Variants in ZNF496 observed in about 807,000 individuals in gnomAD.
ZNF496 encodes the protein NSD1 (nuclear receptor binding SET-domain containing 1)-interacting zinc finger protein 1.
ZNF496 carries 11 observed loss-of-function variants against 58.9 expected under a neutral mutation model. That is an observed-to-expected ratio of 0.19 (90% CI 0.12 to 0.31). The LOEUF (loss-of-function observed/expected upper bound fraction) is 0.31, where lower values mean the gene tolerates loss of function less well. ZNF496 is among the 10% of genes least tolerant of loss of function. ZNF496 has a pLI of 1.00. For synonymous variants in ZNF496, 338 were observed against 318.2 expected (o/e 1.06, Z -0.66); for missense variants, 660 against 783.0 (o/e 0.84, Z 1.88).
Position 247,298,344 on chromosome 1 carries a change from GAC to G in ZNF496, c.*2173_*2174del. 6.6e-6 allele frequency: 1 copy of G among 152,272 alleles called. No individual in the cohort carries two copies. Among genetic ancestry groups the G allele is most frequent in the Middle Eastern group, 3.4e-3 (1 of 294 alleles). The allele number at this position is 152,272 out of a possible 1,614,324, so 9.4% of individuals were successfully genotyped here. A position where few individuals can be genotyped will look rare whatever the true frequency, so the allele number is the denominator to read the frequency against. On this transcript the variant is annotated 3_prime_UTR_variant, in exon 10 of 10. Transcript: ENST00000682384. Reference sequence around the variant, plus strand: ...GCAGAGGCTTTTTAATTATTTTTGAGACAGAGTCTCATTCTGTCACCTAGCTT... The same window carrying G: ...GCAGAGGCTTTTTAATTATTTTTGAGAGAGTCTCATTCTGTCACCTAGCTT...
Position 247,328,807 on chromosome 1 carries a change from C to T in ZNF496, c.450G>A (p.Glu150=), listed in dbSNP as rs1232870789. ...GGGGCTCTACCGGCAGCTGCTCCTG[C>T]TCCTGGTCCAGAGGGCTGTCCCCAT... The part of the protein sequence containing the change: ...IDDGDSPLDQ[E]QEQLPVEPHS... Residue 150 remains glutamate (E), a synonymous_variant, in exon 5 of 10, where the codon GAG becomes GAA. Coordinates refer to ENST00000682384, the MANE Select transcript of ZNF496 (RefSeq NM_032752.3). 6.2e-7 allele frequency: 1 copy of T among 1,613,486 alleles called. No individual in the cohort carries two copies. The highest frequency in any genetic ancestry group is 8.5e-7 in the Non-Finnish European group (1 of 1,179,716).
chr1:247,299,588 C>G lies in ZNF496; in HGVS notation c.*931G>C, dbSNP rs1659169373. The G allele has an allele frequency of 1.3e-5, 2 of 152,260 alleles. No homozygotes were observed. Among genetic ancestry groups the G allele is most frequent in the African/African-American group, 4.8e-5 (2 of 41,452 alleles). 9.4% of individuals were successfully genotyped at this position (152,260 alleles called of 1,614,324 possible). ...GGCAAGGTTCTGTTCTGGAGCTTGG[C>G]TCACCCAGACAGGAGAACCCCTCAC... On this transcript the variant is annotated 3_prime_UTR_variant, in exon 10 of 10. Transcript: ENST00000682384.
chr1:247,319,637 T>A (rs532034721), intron 6 of ZNF496, among the ~76,000 whole-genome samples: 1 of 152,216 alleles, frequency 6.6e-6, no homozygotes, highest in South Asian at 2.1e-4. Flanking sequence ...ATATATACTA[T>A]CTAGGCCGGG....
Position 247,329,414 on chromosome 1 carries a change from G to A in ZNF496, c.165C>T (p.Gly55=). ...FRRFRYQEAA[G]PREALQRLWD... ...AGAGGCGCTGCAGGGCCTCCCGGGG[G>A]CCCGCCGCCTCCTGGTAGCGGAAAC... The change falls in exon 4 of 10, where the codon GGC becomes GGT. Residue 55 remains glycine (G), a synonymous_variant. Transcript: ENST00000682384. The surrounding 1 kb of genome is among the most constrained non-coding windows in gnomAD (Gnocchi z 5.5). The A allele has an allele frequency of 6.2e-7, 1 of 1,613,092 alleles. No individual in the cohort carries two copies. The highest frequency in any genetic ancestry group is 8.5e-7 in the Non-Finnish European group (1 of 1,179,700).
intron 9 of ZNF496, chr1:247,304,170 G>T: frequency 3.5e-6 from 1 of 282,616 alleles, no homozygotes; most frequent in South Asian, 2.9e-5. Flanking sequence ...CAAGAAAAGG[G>T]AAGAATGACT....
At chr1:247,327,951 C>T (rs915420749) in intron 5 of ZNF496, among the ~76,000 whole-genome samples, 3 of 152,158 alleles carry the variant, frequency 2.0e-5, no homozygotes, top group Non-Finnish European at 4.4e-5. Context: ...TTTTGGGCAC[C>T]TCAGGCCTTG....
chr1:247,326,612 C>T (rs1050792298), intron 5 of ZNF496, among the ~76,000 whole-genome samples: 1 of 152,122 alleles, frequency 6.6e-6, no homozygotes, highest in Admixed American at 6.5e-5. Flanking sequence ...ATTATGTGGG[C>T]GACTGGCTGC....
chr1:247,321,512 C>T (rs573092598), intron 6 of ZNF496, among the ~76,000 whole-genome samples: 28 of 152,206 alleles, frequency 1.8e-4, no homozygotes, highest in Non-Finnish European at 3.4e-4. Context: ...GAAAATTTTA[C>T]GCTATGTGTA....
chr1:247,330,489 G>A (rs1660286866), intron 2 of ZNF496, among the ~76,000 whole-genome samples: 1 of 152,128 alleles, frequency 6.6e-6, no homozygotes, highest in Non-Finnish European at 1.5e-5. Context: ...AGAACCCCTG[G>A]ACACTGCAGC....
chr1:247,330,585 G>T (rs750789493), intron 2 of ZNF496, among the ~76,000 whole-genome samples: 9 of 152,216 alleles, frequency 5.9e-5, no homozygotes, highest in Non-Finnish European at 8.8e-5. Flanking sequence ...GCCACAACTA[G>T]GGTGGCAAGA....
At chr1:247,325,634 G>A (rs1660095821) in intron 5 of ZNF496, among the ~76,000 whole-genome samples, 1 of 152,016 alleles carries the variant, frequency 6.6e-6, no homozygotes, top group East Asian at 1.9e-4. Context: ...CGGAAACTTT[G>A]TACTCTTTGA....
chr1:247,310,084 A>G, intron 7 of ZNF496: 4 of 1,430,114 alleles, frequency 2.8e-6, no homozygotes, highest in Non-Finnish European at 3.6e-6. Context: ...CATACAGCAC[A>G]TGTTCTATTT....
chr1:247,321,799 C>T (rs968065668), intron 6 of ZNF496, among the ~76,000 whole-genome samples: 4 of 152,228 alleles, frequency 2.6e-5, no homozygotes, highest in African/African-American at 9.7e-5. Context: ...ATAAGAAATA[C>T]TGGTTTTACC....
chr1:247,326,601 C>T (rs1660135605), intron 5 of ZNF496, among the ~76,000 whole-genome samples: 1 of 152,178 alleles, frequency 6.6e-6, no homozygotes, highest in Non-Finnish European at 1.5e-5. Context: ...CTTGCACGTG[C>T]ATTATGTGGG....
chr1:247,320,249 G>T (rs1283245841), intron 6 of ZNF496, among the ~76,000 whole-genome samples: 5 of 152,200 alleles, frequency 3.3e-5, no homozygotes, highest in African/African-American at 1.2e-4. Flanking sequence ...CCAGTGAATG[G>T]TTAAACGAAC....
At chr1:247,306,145 GGTAAT>G (rs1305488005) in intron 9 of ZNF496, among the ~76,000 whole-genome samples, 2 of 152,014 alleles carry the variant, frequency 1.3e-5, no homozygotes, top group African/African-American at 4.8e-5. Flanking sequence ...ACCGTGGTTT[GGTAAT>G]GTAGAGTAAA....
intron 7 of ZNF496, chr1:247,310,038 G>A (rs1659542872): frequency 1.4e-6 from 2 of 1,427,794 alleles, no homozygotes; most frequent in African/African-American, 1.4e-5. Context: ...CAGACATAAA[G>A]GGACAAAACG....
Position 247,301,037 on chromosome 1 carries a change from GGAA to G in ZNF496, c.1243_1245del (p.Phe415del). 6.2e-7 allele frequency: 1 copy of G among 1,613,716 alleles called. No individual in the cohort carries two copies. Among genetic ancestry groups the G allele is most frequent in the Non-Finnish European group, 8.5e-7 (1 of 1,180,042 alleles). On this transcript the variant is annotated inframe_deletion, in exon 10 of 10. Coordinates refer to ENST00000682384, the MANE Select transcript of ZNF496 (RefSeq NM_032752.3). ...TGCCGGATGAAGTTGACCCTCCAGC[GGAA>G]GATTTTCCCACAGTTCGGACACACG...
At chr1:247,328,422 C>A (rs974340972) in intron 5 of ZNF496, among the ~76,000 whole-genome samples, 10 of 152,172 alleles carry the variant, frequency 6.6e-5, no homozygotes, top group African/African-American at 2.4e-4. Context: ...GATGAGAGGG[C>A]ACCACCTCAG....
Sources: allele counts gnomAD v4.1 joint callset (sites outside exome capture counted in the v4.1 genomes callset), GRCh38; gene constraint gnomAD v4.1.1; non-coding constraint Gnocchi (gnomAD v3.1); transcripts MANE v1.5; gene names NCBI Gene and HGNC (gene_info 2026-07-23, HGNC 2026-07-21).